Variants in ST6GAL1 observed in about 807,000 individuals in gnomAD.
The protein encoded by ST6GAL1 is ST6 beta-galactoside alpha-2,6-sialyltransferase 1.
In ST6GAL1, 20 loss-of-function variants were observed where a neutral mutation model predicts 38.0. The observed-to-expected ratio is 0.53, with a 90% confidence interval of 0.37 to 0.77. ST6GAL1 has a LOEUF of 0.77. Among genes scored for constraint, ST6GAL1 ranks in the 30% least tolerant of loss-of-function variants. The pLI, the probability that ST6GAL1 is intolerant of heterozygous loss-of-function variation, is 0.00. For synonymous variants in ST6GAL1, 196 were observed against 188.2 expected (o/e 1.04, Z -0.34); for missense variants, 432 against 496.4 (o/e 0.87, Z 1.23).
chr3:187,036,966 C>T (rs763082099), intron 2 of ST6GAL1, among the ~76,000 whole-genome samples: 2 of 152,194 alleles, frequency 1.3e-5, no homozygotes, highest in African/African-American at 2.4e-5. Flanking sequence ...TTCTTTATCT[C>T]ATTAATCCTC....
intron 5 of ST6GAL1, among the ~76,000 whole-genome samples, chr3:187,062,588 A>ACACACACACACACG (rs1233218206): frequency 6.6e-6 from 1 of 151,812 alleles, no homozygotes; most frequent in South Asian, 2.1e-4. Flanking sequence ...ACACACACAC[A>ACACACACACACACG]CACACACACA....
At chr3:187,027,231 C>T (rs867697971) in intron 2 of ST6GAL1, among the ~76,000 whole-genome samples, 1 of 152,068 alleles carries the variant, frequency 6.6e-6, no homozygotes, top group African/African-American at 2.4e-5. Flanking sequence ...ACTTACACTC[C>T]ATTTCTGTAC....
chr3:186,995,371 TG>T (rs1224282094), intron 2 of ST6GAL1, among the ~76,000 whole-genome samples: 1 of 151,392 alleles, frequency 6.6e-6, no homozygotes, highest in African/African-American at 2.4e-5. Context: ...CTGGGTGTGG[TG>T]GCATGTACCT....
In ST6GAL1 at chr3:187,074,207, C is replaced by T. The variant is rs1270515322; in HGVS notation, c.853C>T (p.Arg285Cys). 10 of 1,612,676 alleles carry T rather than the reference C, an allele frequency of 6.2e-6. No homozygotes were observed. The highest frequency in any genetic ancestry group is 1.7e-5 in the Admixed American group (1 of 59,794). ...YNFFNNYKTYRKLHPNQPFYI... is the reference protein window; with the variant it reads ...YNFFNNYKTYCKLHPNQPFYI... Reference sequence around the variant, plus strand: ...TTTCTTTAACAACTACAAGACTTATCGTAAGCTGCACCCCAATCAGCCCTT... The same window carrying T: ...TTTCTTTAACAACTACAAGACTTATTGTAAGCTGCACCCCAATCAGCCCTT... The change falls in exon 7 of 8, where the codon CGT becomes TGT. Residue 285 changes from arginine (R) to cysteine (C), a missense_variant. Arg to Cys is a radical substitution (Grantham distance 180). Coordinates refer to ENST00000169298, the MANE Select transcript of ST6GAL1 (RefSeq NM_173216.2).
intron 1 of ST6GAL1, among the ~76,000 whole-genome samples, chr3:186,957,193 A>G (rs559794114): frequency 1.3e-5 from 2 of 152,376 alleles, no homozygotes; most frequent in South Asian, 2.1e-4. Flanking sequence ...CTGTATTCCC[A>G]GAACTTTGGG....
intron 2 of ST6GAL1, among the ~76,000 whole-genome samples, chr3:187,037,186 A>G (rs994756640): frequency 1.3e-4 from 20 of 152,206 alleles, no homozygotes; most frequent in African/African-American, 4.3e-4. Flanking sequence ...GATCCTTTGA[A>G]TATATATCGA....
At chr3:186,943,149 G>A (rs1223376731) in intron 1 of ST6GAL1, among the ~76,000 whole-genome samples, 1 of 152,238 alleles carries the variant, frequency 6.6e-6, no homozygotes, top group East Asian at 1.9e-4. Context: ...ATGGGAAGAA[G>A]ATCCAGTAAG....
At chr3:187,046,808 A>T (rs1434533650) in intron 4 of ST6GAL1, among the ~76,000 whole-genome samples, 1 of 152,246 alleles carries the variant, frequency 6.6e-6, no homozygotes, top group East Asian at 1.9e-4. Flanking sequence ...GAGGGCCATG[A>T]TGTCTGTCAC....
chr3:187,064,480 C>G (rs778221446), intron 5 of ST6GAL1: 88 of 455,900 alleles, frequency 1.9e-4, no homozygotes, highest in Non-Finnish European at 4.0e-5. Context: ...AAATGCATGG[C>G]TTTCTACTGA....
intron 4 of ST6GAL1, among the ~76,000 whole-genome samples, chr3:187,047,114 T>G (rs1338788044): frequency 6.6e-6 from 1 of 151,972 alleles, no homozygotes; most frequent in East Asian, 1.9e-4. Flanking sequence ...CCTGGCTAAT[T>G]TTTTGTATTT....
In ST6GAL1 at chr3:186,981,989, C is replaced by A. The variant is rs995796896; in HGVS notation, c.-183+18063C>A. ...CTATTTTCTCATTTAATTCTCCTAA[C>A]AACTCTATGATAGCAGTCACGCTAT... On this transcript the variant is annotated intron_variant, in intron 2 of 7. Transcript: ENST00000169298. Among the ~76,000 whole-genome samples the A allele has an allele frequency of 2.0e-5, 3 of 150,970 alleles. No homozygotes were observed. In the Admixed American group the frequency reaches 2.0e-4, roughly 10 times the overall value.
intron 2 of ST6GAL1, among the ~76,000 whole-genome samples, chr3:187,004,536 G>A (rs139258827): frequency 1.4e-4 from 22 of 152,338 alleles, no homozygotes; most frequent in Middle Eastern, 3.4e-3. Context: ...GTAGGAGGAA[G>A]GGAAGAAAAC....
At chr3:187,036,829 C>T (rs975647609) in intron 2 of ST6GAL1, among the ~76,000 whole-genome samples, 7 of 152,176 alleles carry the variant, frequency 4.6e-5, no homozygotes, top group African/African-American at 1.7e-4. Flanking sequence ...CCCCAAGCCT[C>T]AGCATTGTGC....
chr3:186,939,722 A>G (rs928475871), intron 1 of ST6GAL1, among the ~76,000 whole-genome samples: 5 of 152,158 alleles, frequency 3.3e-5, no homozygotes, highest in Admixed American at 6.6e-5. Flanking sequence ...GAATGCATTC[A>G]GGGAGCGTTG....
chr3:187,045,832 G>C (rs1718274557), intron 4 of ST6GAL1, among the ~76,000 whole-genome samples: 1 of 152,196 alleles, frequency 6.6e-6, no homozygotes, highest in Non-Finnish European at 1.5e-5. Context: ...GGTATTCTGA[G>C]TTAAGGCAAA....
At chr3:186,958,495 C>T (rs1400556268) in intron 1 of ST6GAL1, among the ~76,000 whole-genome samples, 2 of 151,666 alleles carry the variant, frequency 1.3e-5, no homozygotes, top group Non-Finnish European at 2.9e-5. Context: ...GCCATATAAG[C>T]GTGCTATTTA....
chr3:187,032,237 G>A (rs1717777262), intron 2 of ST6GAL1, among the ~76,000 whole-genome samples: 1 of 152,190 alleles, frequency 6.6e-6, no homozygotes, highest in Non-Finnish European at 1.5e-5. Context: ...AGCAGATGCA[G>A]TTGATGTAAG....
intron 2 of ST6GAL1, among the ~76,000 whole-genome samples, chr3:187,011,352 CACAG>C (rs1177523981): frequency 2.0e-5 from 3 of 152,224 alleles, no homozygotes; most frequent in African/African-American, 7.2e-5. Flanking sequence ...GAGAGGCAAA[CACAG>C]ACAGATCCCA....
chr3:187,010,051 T>C (rs1716907344), intron 2 of ST6GAL1, among the ~76,000 whole-genome samples: 1 of 152,082 alleles, frequency 6.6e-6, no homozygotes, highest in African/African-American at 2.4e-5. Context: ...TCATAACATA[T>C]TTAACTTGTC....
Sources: allele counts gnomAD v4.1 joint callset (sites outside exome capture counted in the v4.1 genomes callset), GRCh38; gene constraint gnomAD v4.1.1; transcripts MANE v1.5; gene names NCBI Gene and HGNC (gene_info 2026-07-23, HGNC 2026-07-21).